Variants in TBK1 observed in about 807,000 individuals in gnomAD.
TBK1 encodes the protein TANK binding kinase 1.
In TBK1, 37 loss-of-function variants were observed where a neutral mutation model predicts 99.9. The ratio of observed to expected loss-of-function variants is 0.37; its 90% CI spans 0.28 to 0.49. The LOEUF (loss-of-function observed/expected upper bound fraction) is 0.49. Ranked by LOEUF, TBK1 falls within the 20% of genes least tolerant of loss-of-function variation. TBK1 has a pLI of 0.98. For synonymous variants in TBK1, 258 were observed against 279.8 expected (o/e 0.92, Z 0.78); for missense variants, 644 against 872.5 (o/e 0.74, Z 3.30).
At chr12:64,456,499 A>T (rs1400774685) in intron 2 of TBK1, among the ~76,000 whole-genome samples, 2 of 152,192 alleles carry the variant, frequency 1.3e-5, no homozygotes, top group Non-Finnish European at 2.9e-5. Context: ...AGAACCTGGT[A>T]GTGGAAGTGG....
intron 4 of TBK1, among the ~76,000 whole-genome samples, chr12:64,465,070 CCT>C (rs1273361516): frequency 6.6e-6 from 1 of 151,102 alleles, no homozygotes; most frequent in Non-Finnish European, 1.5e-5. Flanking sequence ...ACAGTGAGCC[CCT>C]GTCTCTACAA....
chr12:64,469,026 A>G (rs1565815251), intron 5 of TBK1, among the ~76,000 whole-genome samples: 2 of 151,872 alleles, frequency 1.3e-5, no homozygotes, highest in East Asian at 3.9e-4. Context: ...CCTCTCCCCT[A>G]CAACCTGTGT....
At chr12:64,463,899 C>T (rs1468550705) in intron 3 of TBK1, among the ~76,000 whole-genome samples, 1 of 149,170 alleles carries the variant, frequency 6.7e-6, no homozygotes. Context: ...GAGTCTCGCT[C>T]TGTCACCAGG....
rs141340205 is a variant in TBK1 at position 64,484,372 on chromosome 12, C to T, written c.1062C>T (p.Tyr354=). ...KIISSNQELI[Y]EGRRLVLEPG... ...TTTCTTCAAATCAAGAACTTATCTA[C>T]GAAGGGCGACGCTTAGTCTTAGAAC... The change falls in exon 9 of 21, where the codon TAC becomes TAT. Residue 354 remains tyrosine (Y), a synonymous_variant. Transcript: ENST00000331710. 26 of 1,613,822 alleles carry T rather than the reference C, an allele frequency of 1.6e-5. No homozygotes were observed. The highest frequency in any genetic ancestry group is 9.9e-5 in the South Asian group (9 of 91,072).
At chr12:64,468,807 G>A (rs78755869) in intron 5 of TBK1, among the ~76,000 whole-genome samples, 124 of 152,280 alleles carry the variant, frequency 8.1e-4, no homozygotes, top group Non-Finnish European at 1.5e-3. Context: ...ACACTGAAAT[G>A]ATAAAAAGAA....
At chr12:64,462,077 C>T (rs868030441) in intron 3 of TBK1, among the ~76,000 whole-genome samples, 3 of 152,108 alleles carry the variant, frequency 2.0e-5, no homozygotes, top group South Asian at 2.1e-4. Flanking sequence ...ACCTTTAGTC[C>T]CCAGCTCCTT....
intron 18 of TBK1, 103 bp from the exon 19 acceptor site, chr12:64,497,545 C>G (rs1565824883): frequency 2.7e-6 from 2 of 745,700 alleles, no homozygotes; most frequent in African/African-American, 1.8e-5. Flanking sequence ...TTTTAAAGGA[C>G]TTATTAAAAG....
intron 11 of TBK1, among the ~76,000 whole-genome samples, chr12:64,487,516 T>A (rs2040831213): frequency 6.6e-6 from 1 of 152,230 alleles, no homozygotes. Flanking sequence ...TATGCTTTTC[T>A]GTTTCCACTA....
At chr12:64,453,382 G>A (rs2040449484) in intron 1 of TBK1, among the ~76,000 whole-genome samples, 1 of 152,160 alleles carries the variant, frequency 6.6e-6, no homozygotes, top group African/African-American at 2.4e-5. Flanking sequence ...TTTTTCGTTA[G>A]ATAGTTGAGA....
chr12:64,460,982 G>C (rs910484693), intron 3 of TBK1, among the ~76,000 whole-genome samples: 2 of 151,944 alleles, frequency 1.3e-5, no homozygotes, highest in Non-Finnish European at 2.9e-5. Flanking sequence ...TCAGGAGGCT[G>C]AAGTGGGAGG....
intron 13 of TBK1, among the ~76,000 whole-genome samples, chr12:64,493,970 A>G (rs2040899195): frequency 6.6e-6 from 1 of 152,196 alleles, no homozygotes; most frequent in Non-Finnish European, 1.5e-5. Context: ...TGTTGCAGCC[A>G]GTGGATTTAT....
intron 12 of TBK1, among the ~76,000 whole-genome samples, chr12:64,489,359 A>G (rs1308060607): frequency 1.3e-5 from 2 of 152,236 alleles, no homozygotes; most frequent in Non-Finnish European, 2.9e-5. Flanking sequence ...TCTAGAATAT[A>G]CTATTTGTAC....
intron 2 of TBK1, among the ~76,000 whole-genome samples, chr12:64,457,952 A>G (rs748569424): frequency 1.5e-4 from 23 of 152,318 alleles, no homozygotes; most frequent in Non-Finnish European, 2.1e-4. Flanking sequence ...AGAATTAATT[A>G]AAAGATTGTG....
chr12:64,455,208 A>G (rs1387233834), intron 1 of TBK1, among the ~76,000 whole-genome samples: 1 of 150,640 alleles, frequency 6.6e-6, no homozygotes, highest in Non-Finnish European at 1.5e-5. Flanking sequence ...GTGGTCTCAA[A>G]CTCCTGGCTT....
chr12:64,497,030 T>C lies in TBK1; in HGVS notation c.1842T>C (p.Asn614=). The change falls in exon 17 of 21, where the codon AAT becomes AAC. Residue 614 remains asparagine, a synonymous_variant. Coordinates refer to ENST00000331710, the MANE Select transcript of TBK1 (RefSeq NM_013254.4). ...ECVKKYEAFL[N]KSEEWIRKML... ...TTAAAAAGTATGAGGCATTTTTGAA[T>C]AAGTCAGAAGAATGGATAAGGTGAG... 1 of 1,613,116 alleles carries C rather than the reference T, an allele frequency of 6.2e-7. No homozygotes were observed. Among genetic ancestry groups the C allele is most frequent in the Non-Finnish European group, 8.5e-7 (1 of 1,179,372 alleles).
intron 13 of TBK1, among the ~76,000 whole-genome samples, chr12:64,490,515 C>T (rs577217906): frequency 8.6e-5 from 13 of 151,686 alleles, no homozygotes; most frequent in Middle Eastern, 3.4e-3. Flanking sequence ...AAACCTCTCT[C>T]GCTGCCTCTC....
chr12:64,475,075 G>T (rs763978453), intron 6 of TBK1, among the ~76,000 whole-genome samples: 3 of 152,020 alleles, frequency 2.0e-5, no homozygotes, highest in Admixed American at 6.6e-5. Context: ...CTGTGATTGC[G>T]CCACGGCACT....
chr12:64,501,243 C>A (rs1363174700), intron 20 of TBK1, 87 bp from the exon 21 acceptor site: 2 of 1,247,160 alleles, frequency 1.6e-6, no homozygotes, highest in East Asian at 2.3e-5. Context: ...GCTATTTATT[C>A]CTCTGAAAAG....
At chr12:64,458,420 A>G (rs928394836) in intron 2 of TBK1, among the ~76,000 whole-genome samples, 3 of 151,514 alleles carry the variant, frequency 2.0e-5, no homozygotes, top group Admixed American at 6.6e-5. Flanking sequence ...CTAAAGTATG[A>G]GTGTGGGTGT....
Sources: gnomAD v4.1 joint callset for allele counts (sites outside exome capture counted in the v4.1 genomes callset) on GRCh38, gnomAD v4.1.1 for gene constraint, MANE v1.5 for transcripts, NCBI Gene and HGNC (gene_info 2026-07-23, HGNC 2026-07-21) for gene names.